JAK1: variants seen among roughly 807,000 people sequenced by gnomAD.
The protein encoded by JAK1 is Janus kinase 1.
A neutral mutation model predicts 136.6 loss-of-function variants in JAK1; 16 were observed. The ratio of observed to expected loss-of-function variants is 0.12; its 90% CI spans 0.08 to 0.18. The LOEUF (loss-of-function observed/expected upper bound fraction) is 0.18, where lower values mean the gene tolerates loss of function less well. Among genes scored for constraint, JAK1 ranks in the 10% least tolerant of loss-of-function variants. The pLI is 1.00. For missense variants in JAK1, 859 were observed against 1,450.1 expected (o/e 0.59, Z 6.62); for synonymous variants, 492 against 519.5 (o/e 0.95, Z 0.72).
intron 1 of JAK1, among the ~76,000 whole-genome samples, chr1:64,915,947 T>C (rs905770171): frequency 6.6e-6 from 1 of 152,148 alleles, no homozygotes; most frequent in Non-Finnish European, 1.5e-5. Context: ...AGCCAGTCCC[T>C]AGCCCTCCAG....
intron 1 of JAK1, among the ~76,000 whole-genome samples, chr1:64,931,084 A>T (rs967789889): frequency 6.6e-6 from 1 of 152,160 alleles, no homozygotes; most frequent in African/African-American, 2.4e-5. Context: ...CCACCATGGC[A>T]CGTGTATACC....
intron 2 of JAK1, among the ~76,000 whole-genome samples, chr1:64,980,591 T>C (rs1040763744): frequency 2.0e-5 from 3 of 151,788 alleles, no homozygotes; most frequent in East Asian, 1.9e-4. Flanking sequence ...TATATATATA[T>C]ACTTTAAGTT....
At chr1:64,947,057 G>A (rs1002523825) in intron 1 of JAK1, among the ~76,000 whole-genome samples, 1 of 152,144 alleles carries the variant, frequency 6.6e-6, no homozygotes, top group African/African-American at 2.4e-5. Flanking sequence ...GGAGCTAGCA[G>A]GAAAAAGCAA....
chr1:65,053,112 G>C (rs536410874), intron 1 of JAK1, among the ~76,000 whole-genome samples: 2 of 150,946 alleles, frequency 1.3e-5, no homozygotes, highest in East Asian at 4.0e-4. Context: ...TTGGGAGGCT[G>C]AGGTAGGCAG....
intron 2 of JAK1, among the ~76,000 whole-genome samples, chr1:65,009,345 G>A (rs1646830457): frequency 6.6e-6 from 1 of 152,150 alleles, no homozygotes; most frequent in Non-Finnish European, 1.5e-5. Flanking sequence ...TCATGAAACT[G>A]CTAAAGTGGT....
chr1:64,904,350 C>A (rs1645158646), intron 1 of JAK1, among the ~76,000 whole-genome samples: 1 of 152,058 alleles, frequency 6.6e-6, no homozygotes. Flanking sequence ...TACTTCTGTG[C>A]AATGATAGTA....
chr1:65,050,737 A>G (rs1647261275), intron 1 of JAK1, among the ~76,000 whole-genome samples: 1 of 152,186 alleles, frequency 6.6e-6, no homozygotes, highest in Admixed American at 6.5e-5. Flanking sequence ...GCAAATTTTA[A>G]AGCAATTTTA....
chr1:64,866,721 T>C, intron 7 of JAK1, 145 bp downstream of exon 7: 1 of 620,896 alleles, frequency 1.6e-6, no homozygotes, highest in East Asian at 2.8e-5. Context: ...AGGGATGAAA[T>C]AAAATATGAA....
At chr1:64,883,531 T>C (rs1644808137) in intron 2 of JAK1, 56 bp from the exon 3 acceptor site, 3 of 1,470,778 alleles carry the variant, frequency 2.0e-6, no homozygotes, top group South Asian at 1.2e-5. Context: ...AAAGTTCTTA[T>C]GGCAAAAGGG....
At chr1:64,874,884 C>G (rs901407112) in intron 4 of JAK1, among the ~76,000 whole-genome samples, 1 of 152,152 alleles carries the variant, frequency 6.6e-6, no homozygotes. Flanking sequence ...AGGCATGTTT[C>G]TCGTACTCTG....
At chr1:65,031,585 A>T (rs1472637003) in intron 2 of JAK1, among the ~76,000 whole-genome samples, 5 of 152,218 alleles carry the variant, frequency 3.3e-5, no homozygotes, top group Non-Finnish European at 2.9e-5. Flanking sequence ...AGGGCAATTA[A>T]TGGAATTTGT....
chr1:64,998,440 T>C (rs999116793), intron 2 of JAK1, among the ~76,000 whole-genome samples: 3 of 152,246 alleles, frequency 2.0e-5, no homozygotes, highest in Non-Finnish European at 1.5e-5. Flanking sequence ...TTTCACATAC[T>C]AAAATCTATG....
chr1:64,903,652 C>CT (rs1645146356), intron 1 of JAK1, among the ~76,000 whole-genome samples: 3 of 152,166 alleles, frequency 2.0e-5, no homozygotes, highest in Admixed American at 6.5e-5. Flanking sequence ...AGCCTTAGCT[C>CT]TTTTATCTAC....
intron 1 of JAK1, among the ~76,000 whole-genome samples, chr1:64,902,411 G>T (rs1211912212): frequency 6.6e-6 from 1 of 152,036 alleles, no homozygotes; most frequent in Non-Finnish European, 1.5e-5. Context: ...AAGGATAGAG[G>T]GAAATGTTTC....
chr1:64,961,091 C>A (rs1646275444), intron 1 of JAK1, among the ~76,000 whole-genome samples: 1 of 152,164 alleles, frequency 6.6e-6, no homozygotes, highest in Non-Finnish European at 1.5e-5. Flanking sequence ...TGTATTCATC[C>A]ACTTAACAAC....
intron 2 of JAK1, among the ~76,000 whole-genome samples, chr1:64,885,521 A>AGGCG (rs1211792882): frequency 2.6e-5 from 4 of 152,218 alleles, no homozygotes; most frequent in Non-Finnish European, 5.9e-5. Context: ...TGGGAGGCCA[A>AGGCG]GGCGGGCGGA....
At chr1:65,041,324 T>C (rs1647130849) in intron 2 of JAK1, among the ~76,000 whole-genome samples, 1 of 152,208 alleles carries the variant, frequency 6.6e-6, no homozygotes, top group Non-Finnish European at 1.5e-5. Context: ...AAACTTTCAT[T>C]TTCAAAGCTG....
At chr1:64,918,208 T>A (rs1206048132) in intron 1 of JAK1, among the ~76,000 whole-genome samples, 1 of 152,242 alleles carries the variant, frequency 6.6e-6, no homozygotes, top group Non-Finnish European at 1.5e-5. Flanking sequence ...TTAACCTGAA[T>A]GGTGGATACA....
At chr1:64,881,074 G>A (rs962291792) in intron 3 of JAK1, among the ~76,000 whole-genome samples, 5 of 151,934 alleles carry the variant, frequency 3.3e-5, no homozygotes, top group Admixed American at 3.3e-4. Context: ...TTCGACACCA[G>A]CCTGGGCAAC....
Sources: gnomAD v4.1 joint callset for allele counts (sites outside exome capture counted in the v4.1 genomes callset) on GRCh38, gnomAD v4.1.1 for gene constraint, MANE v1.5 for transcripts, NCBI Gene and HGNC (gene_info 2026-07-23, HGNC 2026-07-21) for gene names.